SHTN1: variants seen among roughly 807,000 people sequenced by gnomAD.
SHTN1 encodes the protein shootin 1.
Under a neutral mutation model 83.1 loss-of-function variants are expected in SHTN1, and 42 were observed. The observed-to-expected ratio is 0.51, with a 90% CI of 0.39 to 0.65. SHTN1 has a LOEUF of 0.65. SHTN1 is among the 30% of genes least tolerant of loss of function. The pLI is 0.00. For missense variants in SHTN1, 622 were observed against 737.8 expected (o/e 0.84, Z 1.82); for synonymous variants, 224 against 247.7 (o/e 0.90, Z 0.90).
chr10:116,916,108 A>G (rs1248164181), intron 12 of SHTN1, among the ~76,000 whole-genome samples: 3 of 152,228 alleles, frequency 2.0e-5, no homozygotes, highest in Non-Finnish European at 4.4e-5. Flanking sequence ...TACATGTAGC[A>G]ATAATTGCAA....
chr10:116,998,111 G>A (rs1315077115), intron 1 of SHTN1, among the ~76,000 whole-genome samples: 1 of 152,064 alleles, frequency 6.6e-6, no homozygotes, highest in African/African-American at 2.4e-5. Flanking sequence ...GAATCAGGGA[G>A]TTAAGATACA....
intron 1 of SHTN1, among the ~76,000 whole-genome samples, chr10:117,125,503 C>G (rs1853990077): frequency 6.6e-6 from 1 of 152,138 alleles, no homozygotes; most frequent in South Asian, 2.1e-4. Flanking sequence ...TGTAACTGGG[C>G]TTTCCTCCCA....
chr10:116,944,868 T>A, intron 8 of SHTN1, 56 bp downstream of exon 8: 1 of 1,114,630 alleles, frequency 9.0e-7, no homozygotes. Context: ...TCCAGCCTGG[T>A]GACAGAGCGA....
rs74349226 is a variant in SHTN1 at position 116,960,703 on chromosome 10, T to C, written c.173-473A>G. Among the ~76,000 whole-genome samples the C allele has an allele frequency of 6.1e-3, 924 of 152,306 alleles. 12 individuals are homozygous for C. Among genetic ancestry groups the C allele is most frequent in the African/African-American group, 0.021 (884 of 41,578 alleles). On this transcript the variant is annotated intron_variant, in intron 3 of 16. Coordinates refer to ENST00000355371, the MANE Select transcript of SHTN1 (RefSeq NM_001127211.3). Reference sequence around the variant, plus strand: ...TGATCTTATGACTGGAGTAGTGATGTGGCGACTTGGCTAAGTACTGCAACA... The same window carrying C: ...TGATCTTATGACTGGAGTAGTGATGCGGCGACTTGGCTAAGTACTGCAACA...
chr10:117,060,973 CAATT>C (rs1449216428), intron 1 of SHTN1, among the ~76,000 whole-genome samples: 3 of 152,040 alleles, frequency 2.0e-5, no homozygotes, highest in African/African-American at 7.2e-5. Flanking sequence ...ACAGCAGTAA[CAATT>C]AATGCTGAAC....
At chr10:117,042,983 A>G (rs1852608246) in intron 2 of SHTN1, among the ~76,000 whole-genome samples, 1 of 151,646 alleles carries the variant, frequency 6.6e-6, no homozygotes, top group African/African-American at 2.4e-5. Context: ...GAAGTCTAAA[A>G]CTCTCTGTAA....
chr10:117,020,923 G>C (rs926590163), intron 2 of SHTN1, among the ~76,000 whole-genome samples: 1 of 151,620 alleles, frequency 6.6e-6, no homozygotes, highest in African/African-American at 2.4e-5. Flanking sequence ...CCAGTATCTA[G>C]GACATATAAA....
chr10:117,018,309 T>C (rs1852210436), intron 2 of SHTN1, among the ~76,000 whole-genome samples: 1 of 152,090 alleles, frequency 6.6e-6, no homozygotes, highest in African/African-American at 2.4e-5. Flanking sequence ...CTAAAATTAT[T>C]CCAGAATAAG....
At chr10:116,976,692 C>G (rs1475705052) in intron 2 of SHTN1, among the ~76,000 whole-genome samples, 1 of 152,188 alleles carries the variant, frequency 6.6e-6, no homozygotes, top group Non-Finnish European at 1.5e-5. Flanking sequence ...TCATTCTACA[C>G]TCTATAAAAG....
chr10:116,971,614 C>G (rs1303865624), intron 2 of SHTN1, among the ~76,000 whole-genome samples: 1 of 152,162 alleles, frequency 6.6e-6, no homozygotes, highest in South Asian at 2.1e-4. Flanking sequence ...CAATAATGCA[C>G]AGTGTAGCAT....
intron 3 of SHTN1, 72 bp downstream of exon 3, chr10:116,968,580 G>A (rs949233753): frequency 3.7e-6 from 4 of 1,078,378 alleles, no homozygotes; most frequent in Non-Finnish European, 5.6e-6. Context: ...AACTCAATAG[G>A]GTATAAGTCT....
At chr10:116,977,170 C>T (rs534544028) in intron 2 of SHTN1, among the ~76,000 whole-genome samples, 11 of 152,268 alleles carry the variant, frequency 7.2e-5, no homozygotes, top group African/African-American at 2.6e-4. Flanking sequence ...ATTTTTAGGG[C>T]ACTGCTAGGT....
rs561478437 is a variant in SHTN1, at chr10:116,921,619, G to A, written c.1113-103C>T. ...TGATAGGTGCATGAATATATAACTA[G>A]AATCTAAGTAGTCTACGTTCCATTT... is the stretch of plus-strand genomic sequence containing the variant. On this transcript the variant is annotated intron_variant, in intron 11 of 16. Transcript: ENST00000355371. 5.6e-6 allele frequency: 4 copies of A among 709,302 alleles called. No homozygotes were observed. The African/African-American group carries it at 7.2e-5, about 13-fold the overall frequency. 43.9% of individuals were successfully genotyped at this position (709,302 alleles called of 1,614,324 possible).
chr10:117,102,376 T>C (rs1032742611), intron 1 of SHTN1, among the ~76,000 whole-genome samples: 1 of 152,198 alleles, frequency 6.6e-6, no homozygotes, highest in African/African-American at 2.4e-5. Context: ...GAGGCGTTGC[T>C]ACTGAAACTT....
At chr10:117,004,941 A>T in intron 1 of SHTN1, 81 bp downstream of exon 1, 1 of 1,325,886 alleles carries the variant, frequency 7.5e-7, no homozygotes, top group East Asian at 2.6e-5. Context: ...CCGGCTTCCA[A>T]CTGCCCTGGC....
chr10:117,102,731 C>T (rs1853612610), intron 1 of SHTN1, among the ~76,000 whole-genome samples: 1 of 151,980 alleles, frequency 6.6e-6, no homozygotes, highest in African/African-American at 2.4e-5. Flanking sequence ...AGTGCCAGTA[C>T]CATAATTACC....
chr10:116,953,623 GTTTTTTTTTTTTTT>G (rs759706275), intron 5 of SHTN1, among the ~76,000 whole-genome samples: 1 of 92,720 alleles, frequency 1.1e-5, no homozygotes, highest in Non-Finnish European at 1.9e-5. Flanking sequence ...TTTGTGTTTT[GTTTTTTTTTTTTTT>G]TTTTTTTTGA....
chr10:116,976,482 T>C (rs963638407), intron 2 of SHTN1, among the ~76,000 whole-genome samples: 1 of 152,222 alleles, frequency 6.6e-6, no homozygotes, highest in African/African-American at 2.4e-5. Flanking sequence ...AAATTAACCA[T>C]GGCAAAAGGA....
chr10:116,910,911 G>C (rs768320762), intron 14 of SHTN1, among the ~76,000 whole-genome samples: 2 of 152,180 alleles, frequency 1.3e-5, no homozygotes, highest in African/African-American at 4.8e-5. Context: ...AAGCCATTCT[G>C]GGTTAAGTCT....
Sources: allele counts gnomAD v4.1 joint callset (sites outside exome capture counted in the v4.1 genomes callset), GRCh38; gene constraint gnomAD v4.1.1; transcripts MANE v1.5; gene names NCBI Gene and HGNC (gene_info 2026-07-23, HGNC 2026-07-21).